DCC: variants seen among roughly 807,000 people sequenced by gnomAD.
The protein encoded by DCC is netrin receptor DCC.
A neutral mutation model predicts 172.5 loss-of-function variants in DCC; 58 were observed. That is an observed-to-expected ratio of 0.34 (90% CI 0.27 to 0.42). The LOEUF is 0.42. Ranked by LOEUF, DCC falls within the 10% of genes least tolerant of loss-of-function variation. DCC has a pLI of 1.00. For synonymous variants in DCC, 709 were observed against 644.5 expected, an observed-to-expected ratio of 1.10 and a Z score of -1.52; for missense variants, 1,740 against 1,791.0, an observed-to-expected ratio of 0.97 and a Z score of 0.51.
At chr18:53,387,935 G>A (rs1038816875) in intron 16 of DCC, among the ~76,000 whole-genome samples, 3 of 152,204 alleles carry the variant, frequency 2.0e-5, no homozygotes, top group African/African-American at 7.2e-5. Context: ...AAAGGTGAAA[G>A]AATTCAAATA....
intron 9 of DCC, among the ~76,000 whole-genome samples, chr18:53,195,549 C>G (rs1301393614): frequency 1.3e-5 from 2 of 152,098 alleles, no homozygotes; most frequent in African/African-American, 4.8e-5. Flanking sequence ...GAATTATTCT[C>G]ATTGTTTTTA....
At chr18:52,381,948 A>G (rs1028808161) in intron 1 of DCC, among the ~76,000 whole-genome samples, 5 of 152,146 alleles carry the variant, frequency 3.3e-5, no homozygotes, top group Non-Finnish European at 5.9e-5. Flanking sequence ...AGTCTTGGAA[A>G]AAAGCTGTCT....
intron 1 of DCC, among the ~76,000 whole-genome samples, chr18:52,456,657 T>C (rs1988466429): frequency 6.6e-6 from 1 of 152,162 alleles, no homozygotes; most frequent in Non-Finnish European, 1.5e-5. Flanking sequence ...ATATAAATAT[T>C]TGGGCAAGTA....
At chr18:53,476,351 C>T (rs891009931) in intron 25 of DCC, among the ~76,000 whole-genome samples, 6 of 152,104 alleles carry the variant, frequency 3.9e-5, no homozygotes, top group Admixed American at 1.3e-4. Flanking sequence ...GTGTCCCCAC[C>T]CAAATCTCAT....
chr18:52,707,820 A>G (rs1166199558), intron 1 of DCC, among the ~76,000 whole-genome samples: 1 of 152,192 alleles, frequency 6.6e-6, no homozygotes, highest in Non-Finnish European at 1.5e-5. Flanking sequence ...AAACTCATAG[A>G]ACCAGAGAAT....
At chr18:52,734,032 A>G (rs374464872) in intron 1 of DCC, among the ~76,000 whole-genome samples, 5 of 152,192 alleles carry the variant, frequency 3.3e-5, no homozygotes, top group East Asian at 1.9e-4. Context: ...ATTTCAAACT[A>G]AAGTGTAATT....
At chr18:53,021,341 T>C (rs1482487456) in intron 5 of DCC, among the ~76,000 whole-genome samples, 6 of 152,144 alleles carry the variant, frequency 3.9e-5, no homozygotes, top group Admixed American at 3.9e-4. Flanking sequence ...TTAAAGCTAT[T>C]GAAGTGAATG....
chr18:53,406,612 G>A (rs369884328), intron 19 of DCC, among the ~76,000 whole-genome samples: 9 of 151,014 alleles, frequency 6.0e-5, no homozygotes, highest in Admixed American at 2.6e-4. Flanking sequence ...GCTGAGGCAG[G>A]ATAATTGCTT....
intron 1 of DCC, among the ~76,000 whole-genome samples, chr18:52,518,435 T>C (rs2031707450): frequency 6.6e-6 from 1 of 152,208 alleles, no homozygotes; most frequent in African/African-American, 2.4e-5. Flanking sequence ...GAAAATATTA[T>C]TGGCTTGGGT....
chr18:53,126,205 AT>A (rs1192491630), intron 7 of DCC, among the ~76,000 whole-genome samples: 1 of 152,108 alleles, frequency 6.6e-6, no homozygotes, highest in Non-Finnish European at 1.5e-5. Flanking sequence ...TAAATTCACA[AT>A]TTTTGCATGT....
intron 1 of DCC, among the ~76,000 whole-genome samples, chr18:52,440,762 G>C (rs1987947808): frequency 6.6e-6 from 1 of 152,142 alleles, no homozygotes; most frequent in Non-Finnish European, 1.5e-5. Context: ...GTCATTTTCT[G>C]ATGATTCATG....
intron 7 of DCC, among the ~76,000 whole-genome samples, chr18:53,119,473 G>A (rs2043452930): frequency 6.6e-6 from 1 of 151,698 alleles, no homozygotes; most frequent in Non-Finnish European, 1.5e-5. Flanking sequence ...GAAAACTAGA[G>A]ACTGAAAATG....
chr18:52,656,719 C>A (rs1388876004), intron 1 of DCC, among the ~76,000 whole-genome samples: 4 of 152,042 alleles, frequency 2.6e-5, no homozygotes, highest in African/African-American at 9.7e-5. Flanking sequence ...ACTCCAGGGC[C>A]TTGACTTTAA....
chr18:52,360,469 G>A (rs372686535), intron 1 of DCC, among the ~76,000 whole-genome samples: 1 of 152,190 alleles, frequency 6.6e-6, no homozygotes, highest in Non-Finnish European at 1.5e-5. Flanking sequence ...TTGATGTATT[G>A]TGTAAATTAG....
At chr18:53,110,930 C>T (rs1179547788) in intron 7 of DCC, among the ~76,000 whole-genome samples, 1 of 123,704 alleles carries the variant, frequency 8.1e-6, no homozygotes, top group Non-Finnish European at 1.7e-5. Context: ...AATCATGCTG[C>T]TATAAAGACA....
intron 1 of DCC, among the ~76,000 whole-genome samples, chr18:52,606,736 G>C (rs751700123): frequency 7.2e-5 from 11 of 152,102 alleles, no homozygotes; most frequent in Non-Finnish European, 1.3e-4. Context: ...TATCAGAATT[G>C]CTTTTGTAAC....
intron 2 of DCC, among the ~76,000 whole-genome samples, chr18:52,798,495 C>A (rs187430705): frequency 6.6e-6 from 1 of 151,126 alleles, no homozygotes; most frequent in African/African-American, 2.4e-5. Flanking sequence ...TGAGCCACTG[C>A]ACCTGGCCCC....
intron 12 of DCC, among the ~76,000 whole-genome samples, chr18:53,294,046 CT>C (rs925746229): frequency 2.6e-4 from 39 of 151,940 alleles, no homozygotes; most frequent in African/African-American, 6.8e-4. Flanking sequence ...TTAGTTTCTC[CT>C]TTTTTTTCCT....
intron 1 of DCC, among the ~76,000 whole-genome samples, chr18:52,496,707 G>A (rs1300956423): frequency 6.6e-6 from 1 of 152,156 alleles, no homozygotes; most frequent in Non-Finnish European, 1.5e-5. Flanking sequence ...AACACAGCCT[G>A]CATTTCAATG....
Sources: allele counts gnomAD v4.1 joint callset (sites outside exome capture counted in the v4.1 genomes callset), GRCh38; gene constraint gnomAD v4.1.1; transcripts MANE v1.5; gene names NCBI Gene and HGNC (gene_info 2026-07-23, HGNC 2026-07-21).